The following CSMD1 variants were observed in gnomAD, a reference collection of about 807,000 sequenced individuals.
CSMD1 encodes the protein CUB and sushi domain-containing protein 1.
A neutral mutation model predicts 417.5 loss-of-function variants in CSMD1; 213 were observed. That is an observed-to-expected ratio of 0.51 (90% CI 0.46 to 0.57). CSMD1 has a LOEUF of 0.57. Among genes scored for constraint, CSMD1 ranks in the 20% least tolerant of loss-of-function variants. The pLI is 0.00. For missense variants in CSMD1, 6,923 were observed against 4,529.7 expected (o/e 1.53, Z -15.17); for synonymous variants, 2,862 against 1,736.8 (o/e 1.65, Z -16.11).
intron 5 of CSMD1, among the ~76,000 whole-genome samples, chr8:3,889,910 T>C (rs551756000): frequency 3.9e-5 from 6 of 152,228 alleles, no homozygotes; most frequent in Admixed American, 1.3e-4. Flanking sequence ...GAGTTGCGCA[T>C]AATGCCACAT....
chr8:3,455,904 C>T (rs577993510), intron 12 of CSMD1, among the ~76,000 whole-genome samples: 43 of 152,334 alleles, frequency 2.8e-4, no homozygotes, highest in African/African-American at 9.6e-4. Flanking sequence ...GCCCTGCCCC[C>T]AGAGGTGGAG....
intron 2 of CSMD1, among the ~76,000 whole-genome samples, chr8:4,452,214 A>T (rs1799187741): frequency 6.6e-6 from 1 of 151,964 alleles, no homozygotes; most frequent in Non-Finnish European, 1.5e-5. Flanking sequence ...TATCAGTTTG[A>T]CTGCCTGAGA....
intron 3 of CSMD1, among the ~76,000 whole-genome samples, chr8:4,114,181 C>G (rs1802010802): frequency 6.6e-6 from 1 of 152,188 alleles, no homozygotes; most frequent in African/African-American, 2.4e-5. Flanking sequence ...CCTGACTCCT[C>G]TATTAGGAGC....
chr8:4,476,490 T>A (rs568139160), intron 2 of CSMD1, among the ~76,000 whole-genome samples: 1 of 152,226 alleles, frequency 6.6e-6, no homozygotes, highest in Non-Finnish European at 1.5e-5. Context: ...GAATTAATAC[T>A]GAAATTGAAC....
intron 25 of CSMD1, among the ~76,000 whole-genome samples, chr8:3,295,845 T>A (rs913516647): frequency 8.0e-4 from 122 of 152,198 alleles, no homozygotes; most frequent in Non-Finnish European, 4.4e-4. Context: ...TCATTTTGCA[T>A]CTATAAGACG....
chr8:4,330,089 C>A lies in CSMD1; in HGVS notation c.415+89864G>T, dbSNP rs375915835. The stretch of plus-strand genomic sequence containing the variant: ...TCTCATATATTTCTTTAGAGCAATG[C>A]AAGAACAGTCCAATATAGTCAGCAT... On this transcript the variant is annotated intron_variant, in intron 3 of 69. Coordinates refer to ENST00000635120, the MANE Select transcript of CSMD1 (RefSeq NM_033225.6). 3.7e-4 allele frequency among the ~76,000 whole-genome samples: 57 copies of A among 152,046 alleles called. 1 individual carries two copies. The South Asian group carries it at 0.011, about 29-fold the overall frequency.
intron 5 of CSMD1, among the ~76,000 whole-genome samples, chr8:3,982,053 C>A (rs1256747356): frequency 6.6e-6 from 1 of 151,628 alleles, no homozygotes; most frequent in Non-Finnish European, 1.5e-5. Context: ...CGCCTGTAAT[C>A]CCAGCTACGC....
At chr8:3,056,672 C>T (rs1016088628) in intron 49 of CSMD1, among the ~76,000 whole-genome samples, 1 of 151,958 alleles carries the variant, frequency 6.6e-6, no homozygotes, top group Non-Finnish European at 1.5e-5. Flanking sequence ...GCCTGGCCAG[C>T]CTGAGGATTT....
At chr8:3,426,543 C>G (rs998493762) in intron 12 of CSMD1, among the ~76,000 whole-genome samples, 20 of 152,188 alleles carry the variant, frequency 1.3e-4, no homozygotes, top group African/African-American at 4.8e-4. Context: ...TAAGTGACTT[C>G]TCCTTATTAA....
At chr8:4,085,834 T>A (rs1173965843) in intron 3 of CSMD1, among the ~76,000 whole-genome samples, 1 of 152,164 alleles carries the variant, frequency 6.6e-6, no homozygotes, top group Non-Finnish European at 1.5e-5. Flanking sequence ...AGATAAAAGT[T>A]CTGTGTCCCC....
At chr8:4,067,300 C>T (rs1037293982) in intron 3 of CSMD1, among the ~76,000 whole-genome samples, 2 of 152,130 alleles carry the variant, frequency 1.3e-5, no homozygotes, top group Non-Finnish European at 1.5e-5. Flanking sequence ...AAATCTCCGC[C>T]ATACTAAATT....
chr8:3,307,686 A>T lies in CSMD1; in HGVS notation c.3950+9T>A, dbSNP rs892171095. ...TCTCAAATCACTGAAACCAAAATAA[A>T]ACAAGTACCTAATGGTCTTTCCTGG... On this transcript the variant is annotated intron_variant, in intron 25 of 69. Coordinates refer to ENST00000635120, the MANE Select transcript of CSMD1 (RefSeq NM_033225.6). 1 of 1,612,166 alleles carries T rather than the reference A, an allele frequency of 6.2e-7. No homozygotes were observed. Among genetic ancestry groups the T allele is most frequent in the Non-Finnish European group, 8.5e-7 (1 of 1,179,076 alleles).
chr8:4,242,859 T>C (rs1369176453), intron 3 of CSMD1, among the ~76,000 whole-genome samples: 1 of 152,194 alleles, frequency 6.6e-6, no homozygotes, highest in African/African-American at 2.4e-5. Flanking sequence ...GTAAATTAGA[T>C]TAAAGCATCA....
At chr8:3,831,159 C>T (rs1802355454) in intron 5 of CSMD1, among the ~76,000 whole-genome samples, 1 of 152,090 alleles carries the variant, frequency 6.6e-6, no homozygotes, top group African/African-American at 2.4e-5. Context: ...AAAAGAAACC[C>T]AATTTATCTA....
In CSMD1 at chr8:3,354,785, T is replaced by C. The variant is rs141062488; in HGVS notation, c.3304+4367A>G. Among the ~76,000 whole-genome samples, 207 of 117,162 alleles carry C rather than the reference T, an allele frequency of 1.8e-3. 2 individuals carry two copies. The highest frequency in any genetic ancestry group is 6.7e-3 in the African/African-American group (185 of 27,674). The allele number at this position is 117,162 out of a possible 152,430, so 76.9% of individuals were successfully genotyped here. A position where few individuals can be genotyped will look rare whatever the true frequency, so the allele number is the denominator to read the frequency against. ...GAATTATATACAGTTTAGTGATATA[T>C]ATATATCACTAAACTCTCTCTCTCT... is the stretch of plus-strand genomic sequence containing the variant. On this transcript the variant is annotated intron_variant, in intron 21 of 69. Transcript: ENST00000635120.
intron 1 of CSMD1, among the ~76,000 whole-genome samples, chr8:4,729,854 A>G (rs548014829): frequency 6.6e-6 from 1 of 152,194 alleles, no homozygotes; most frequent in African/African-American, 2.4e-5. Flanking sequence ...CTAAGTCCTA[A>G]TCTTTCTTTT....
chr8:3,423,905 G>A (rs1281617087), intron 12 of CSMD1, among the ~76,000 whole-genome samples: 4 of 152,054 alleles, frequency 2.6e-5, no homozygotes, highest in African/African-American at 7.2e-5. Flanking sequence ...AATTAATGGC[G>A]ACCCTCAAAT....
intron 5 of CSMD1, among the ~76,000 whole-genome samples, chr8:3,893,138 G>T (rs1336584194): frequency 6.6e-6 from 1 of 151,302 alleles, no homozygotes; most frequent in Non-Finnish European, 1.5e-5. Flanking sequence ...CACACAAAAA[G>T]GTAATCAAAG....
intron 5 of CSMD1, among the ~76,000 whole-genome samples, chr8:3,878,428 T>G (rs1805977052): frequency 6.6e-6 from 1 of 152,140 alleles, no homozygotes; most frequent in South Asian, 2.1e-4. Flanking sequence ...ATATCAACAA[T>G]GATACCAGTC....
Sources: allele counts gnomAD v4.1 joint callset (sites outside exome capture counted in the v4.1 genomes callset), GRCh38; gene constraint gnomAD v4.1.1; transcripts MANE v1.5; gene names NCBI Gene and HGNC (gene_info 2026-07-23, HGNC 2026-07-21).